GRM5: variants seen among roughly 807,000 people sequenced by gnomAD.
The protein encoded by GRM5 is glutamate metabotropic receptor 5, also known as metabotropic glutamate receptor 5.
A neutral mutation model predicts 83.1 loss-of-function variants in GRM5; 19 were observed. The ratio of observed to expected loss-of-function variants is 0.23; its 90% CI spans 0.16 to 0.34. The LOEUF is 0.34. Among genes scored for constraint, GRM5 ranks in the 10% least tolerant of loss-of-function variants. The pLI is 1.00. For synonymous variants in GRM5, 675 were observed against 633.6 expected, an observed-to-expected ratio of 1.07 and a Z score of -0.98; for missense variants, 1,160 against 1,588.3, an observed-to-expected ratio of 0.73 and a Z score of 4.58.
chr11:88,926,081 G>A lies in GRM5; in HGVS notation c.662-75926C>T, dbSNP rs1397372057. Among the ~76,000 whole-genome samples the A allele has an allele frequency of 7.9e-5, 12 of 152,224 alleles. No individual in the cohort carries two copies. In the East Asian group the frequency reaches 2.3e-3, roughly 29 times the overall value. Reference sequence around the variant, plus strand: ...CAAATGTCCAGCCACTGATTGACCAGCTATTATATGCACAACACTATGTTA... The same window carrying A: ...CAAATGTCCAGCCACTGATTGACCAACTATTATATGCACAACACTATGTTA... On this transcript the variant is annotated intron_variant, in intron 2 of 9. Coordinates refer to ENST00000305447, the MANE Select transcript of GRM5 (RefSeq NM_001143831.3).
chr11:88,772,765 C>A (rs892076794), intron 3 of GRM5, among the ~76,000 whole-genome samples: 4 of 152,128 alleles, frequency 2.6e-5, no homozygotes, highest in African/African-American at 9.7e-5. Context: ...CATGTCCCTA[C>A]AAAGGACATG....
At chr11:88,692,715 T>C (rs1379615910) in intron 3 of GRM5, among the ~76,000 whole-genome samples, 1 of 152,226 alleles carries the variant, frequency 6.6e-6, no homozygotes, top group East Asian at 1.9e-4. Context: ...GGTTTCCTCA[T>C]GCCTAAAATA....
chr11:89,007,102 C>A (rs1228581112), intron 2 of GRM5, among the ~76,000 whole-genome samples: 1 of 152,076 alleles, frequency 6.6e-6, no homozygotes, highest in African/African-American at 2.4e-5. Flanking sequence ...CGGCCCAAAT[C>A]ATTTTTAAAA....
Position 88,567,515 on chromosome 11 carries a change from T to A in GRM5, c.2168A>T (p.Tyr723Phe). The A allele has an allele frequency of 6.2e-7, 1 of 1,613,704 alleles. No individual in the cohort carries two copies. Among genetic ancestry groups the A allele is most frequent in the East Asian group, 2.2e-5 (1 of 44,868 alleles). Residue 723 changes from tyrosine (Y) to phenylalanine (F), a missense_variant, in exon 8 of 10, where the codon TAC becomes TTC. Physicochemically the swap from Tyr to Phe is conservative, Grantham distance 22. Transcript: ENST00000305447. The surrounding 1 kb of genome is among the most constrained non-coding windows in gnomAD (Gnocchi z 7.3). ...CAGGTAGACTTCTCGAATGCTTGGGTAGTCATGCATTATGTCAGGAGGCTC... is the reference window on the plus strand; with the variant it reads ...CAGGTAGACTTCTCGAATGCTTGGGAAGTCATGCATTATGTCAGGAGGCTC... ...IMEPPDIMHD[Y>F]PSIREVYLIC... is the part of the protein sequence containing the mutation.
chr11:88,637,494 G>A (rs556181755), intron 4 of GRM5, among the ~76,000 whole-genome samples: 1 of 152,182 alleles, frequency 6.6e-6, no homozygotes, highest in South Asian at 2.1e-4. Context: ...AGTGGGTGAA[G>A]GACATCAACA....
chr11:88,866,965 C>A (rs1944678625), intron 2 of GRM5, among the ~76,000 whole-genome samples: 1 of 152,106 alleles, frequency 6.6e-6, no homozygotes, highest in South Asian at 2.1e-4. Context: ...AATAGGGAAT[C>A]CTCTCCCCAT....
chr11:88,752,897 TA>T (rs532657584), intron 3 of GRM5, among the ~76,000 whole-genome samples: 149 of 152,286 alleles, frequency 9.8e-4, no homozygotes, highest in Middle Eastern at 3.4e-3. Context: ...AAGAACAGGT[TA>T]GCTATATCCA....
intron 3 of GRM5, among the ~76,000 whole-genome samples, chr11:88,820,513 G>A (rs533108895): frequency 6.6e-6 from 1 of 151,926 alleles, no homozygotes; most frequent in Admixed American, 6.6e-5. Context: ...AGAAGTATTA[G>A]ATAAAAGCAC....
chr11:88,709,470 G>A (rs1941235300), intron 3 of GRM5, among the ~76,000 whole-genome samples: 1 of 152,086 alleles, frequency 6.6e-6, no homozygotes, highest in African/African-American at 2.4e-5. Context: ...TCACTGGCAT[G>A]GAAGAAAGTA....
chr11:88,536,156 C>T (rs911656249), intron 8 of GRM5, among the ~76,000 whole-genome samples: 1 of 152,090 alleles, frequency 6.6e-6, no homozygotes, highest in African/African-American at 2.4e-5. Flanking sequence ...AGTACTGAAG[C>T]CTTATAACTA....
At chr11:89,064,080 G>C (rs1942052587) in intron 1 of GRM5, among the ~76,000 whole-genome samples, 1 of 152,076 alleles carries the variant, frequency 6.6e-6, no homozygotes, top group Non-Finnish European at 1.5e-5. Flanking sequence ...GTCTCAGGGG[G>C]AATATCCATT....
At chr11:88,619,390 C>A (rs1321774389) in intron 4 of GRM5, among the ~76,000 whole-genome samples, 1 of 152,188 alleles carries the variant, frequency 6.6e-6, no homozygotes, top group African/African-American at 2.4e-5. Context: ...TTTGTGGATT[C>A]TCTTGATAAT....
intron 7 of GRM5, among the ~76,000 whole-genome samples, chr11:88,587,346 A>T (rs1043561068): frequency 6.6e-6 from 1 of 152,188 alleles, no homozygotes; most frequent in Non-Finnish European, 1.5e-5. Context: ...ATATGTACAC[A>T]GACAGGGAGG....
intron 3 of GRM5, among the ~76,000 whole-genome samples, chr11:88,686,778 C>T (rs556343077): frequency 6.6e-6 from 1 of 152,212 alleles, no homozygotes; most frequent in East Asian, 1.9e-4. Context: ...AAGTGCCTTT[C>T]ACCTCCTGCC....
intron 8 of GRM5, among the ~76,000 whole-genome samples, chr11:88,554,905 G>T (rs1449325635): frequency 2.0e-5 from 3 of 152,102 alleles, no homozygotes; most frequent in African/African-American, 7.2e-5. Context: ...ACCCTCAGGT[G>T]GGCCAGCAAT....
intron 2 of GRM5, among the ~76,000 whole-genome samples, chr11:89,002,315 T>C (rs1351338520): frequency 1.3e-5 from 2 of 152,090 alleles, no homozygotes; most frequent in Admixed American, 6.6e-5. Context: ...AAAGAGCTAG[T>C]GGATATATTT....
At chr11:89,054,327 C>T (rs1941825270) in intron 1 of GRM5, among the ~76,000 whole-genome samples, 1 of 152,008 alleles carries the variant, frequency 6.6e-6, no homozygotes, top group South Asian at 2.1e-4. Flanking sequence ...GATTTTCAGC[C>T]CGAACACAAA....
intron 3 of GRM5, among the ~76,000 whole-genome samples, chr11:88,820,247 G>A (rs1464703091): frequency 2.0e-5 from 3 of 151,338 alleles, no homozygotes; most frequent in Non-Finnish European, 4.4e-5. Flanking sequence ...AATTAGCTGG[G>A]CTTGGTGGCG....
intron 3 of GRM5, among the ~76,000 whole-genome samples, chr11:88,738,828 T>C (rs1941970973): frequency 6.6e-6 from 1 of 152,090 alleles, no homozygotes; most frequent in African/African-American, 2.4e-5. Context: ...CATGCCCAGC[T>C]AGCCTTCTAC....
Sources: gnomAD v4.1 joint callset for allele counts (sites outside exome capture counted in the v4.1 genomes callset) on GRCh38, gnomAD v4.1.1 for gene constraint, Gnocchi (gnomAD v3.1) non-coding constraint, MANE v1.5 for transcripts, NCBI Gene and HGNC (gene_info 2026-07-23, HGNC 2026-07-21) for gene names.